The following RGS22 variants were observed in gnomAD, a reference collection of about 807,000 sequenced individuals.
The protein encoded by RGS22 is regulator of G-protein signaling 22.
A neutral mutation model predicts 172.9 loss-of-function variants in RGS22; 148 were observed. The ratio of observed to expected loss-of-function variants is 0.86; its 90% CI spans 0.75 to 0.98. The LOEUF is 0.98. Ranked by LOEUF, RGS22 falls within the 50% of genes least tolerant of loss-of-function variation. RGS22 has a pLI of 0.00. For missense variants in RGS22, 1,347 were observed against 1,440.8 expected, an observed-to-expected ratio of 0.93 and a Z score of 1.05; for synonymous variants, 458 against 480.2, an observed-to-expected ratio of 0.95 and a Z score of 0.60.
chr8:100,018,512 A>T (rs1001541047), intron 14 of RGS22, among the ~76,000 whole-genome samples: 2 of 152,238 alleles, frequency 1.3e-5, no homozygotes, highest in Admixed American at 1.3e-4. Flanking sequence ...TAGCGTTAAA[A>T]TGAAGAACAA....
At chr8:99,994,515 T>C (rs376668849) in intron 20 of RGS22, among the ~76,000 whole-genome samples, 9 of 152,278 alleles carry the variant, frequency 5.9e-5, no homozygotes, top group African/African-American at 9.6e-5. Flanking sequence ...CCATTCACAA[T>C]TGCTACACAG....
At chr8:100,044,793 A>G in intron 11 of RGS22, among the ~76,000 whole-genome samples, 1 of 152,082 alleles carries the variant, frequency 6.6e-6, no homozygotes, top group Non-Finnish European at 1.5e-5. Context: ...ACTGAAGTGT[A>G]ATGCTTCCTC....
intron 9 of RGS22, among the ~76,000 whole-genome samples, chr8:100,053,765 A>G (rs936850839): frequency 1.1e-4 from 16 of 151,886 alleles, no homozygotes; most frequent in African/African-American, 3.9e-4. Context: ...CCTCCCAAGT[A>G]GCTGGGACTA....
At chr8:100,042,768 C>T (rs1422755306) in intron 11 of RGS22, 2 of 152,216 alleles carry the variant, frequency 1.3e-5, no homozygotes, top group South Asian at 2.1e-4. Context: ...TCCATTTCCT[C>T]ATGTAGCCGA....
chr8:100,008,335 C>G, intron 15 of RGS22, 40 bp downstream of exon 15: 1 of 1,572,472 alleles, frequency 6.4e-7, no homozygotes, highest in Non-Finnish European at 8.6e-7. Flanking sequence ...TTGTAGTAAA[C>G]CTGAATGGTT....
chr8:100,088,579 C>T (rs945775496), intron 3 of RGS22, among the ~76,000 whole-genome samples: 3 of 152,018 alleles, frequency 2.0e-5, no homozygotes, highest in East Asian at 3.9e-4. Flanking sequence ...CAAGAACAAA[C>T]GGAATGAAGT....
chr8:100,074,438 C>T (rs1449885674), intron 4 of RGS22, among the ~76,000 whole-genome samples: 1 of 152,246 alleles, frequency 6.6e-6, no homozygotes, highest in African/African-American at 2.4e-5. Flanking sequence ...GCAACTCCCT[C>T]CAACCCTAGG....
chr8:99,975,060 C>T (rs1811787493), intron 23 of RGS22, among the ~76,000 whole-genome samples: 2 of 151,772 alleles, frequency 1.3e-5, no homozygotes, highest in African/African-American at 4.8e-5. Context: ...GCAGAAGAAT[C>T]GCTTGATCAT....
chr8:100,095,438 C>T (rs553211413), intron 2 of RGS22, among the ~76,000 whole-genome samples: 2 of 152,276 alleles, frequency 1.3e-5, no homozygotes, highest in East Asian at 3.9e-4. Flanking sequence ...CCCGCCTCGG[C>T]CTCCTAAAGT....
At chr8:100,058,035 A>G (rs1464692102) in intron 9 of RGS22, among the ~76,000 whole-genome samples, 2 of 152,220 alleles carry the variant, frequency 1.3e-5, no homozygotes, top group Non-Finnish European at 2.9e-5. Flanking sequence ...TGTTAAACAG[A>G]ATCAAGCAGC....
At chr8:100,061,316 A>G (rs893992874) in intron 9 of RGS22, among the ~76,000 whole-genome samples, 21 of 152,330 alleles carry the variant, frequency 1.4e-4, no homozygotes, top group African/African-American at 4.6e-4. Flanking sequence ...AATTGGATCT[A>G]TCTAAACTAA....
intron 14 of RGS22, among the ~76,000 whole-genome samples, chr8:100,023,652 C>T (rs1299506186): frequency 6.6e-6 from 1 of 152,084 alleles, no homozygotes; most frequent in Admixed American, 6.6e-5. Context: ...TCATGCTGAT[C>T]TTGAACTCCT....
intron 23 of RGS22, among the ~76,000 whole-genome samples, chr8:99,966,586 T>C (rs1810756920): frequency 6.6e-6 from 1 of 152,050 alleles, no homozygotes; most frequent in Non-Finnish European, 1.5e-5. Context: ...AACAGATGAG[T>C]AAAGAAGAGA....
intron 4 of RGS22, among the ~76,000 whole-genome samples, chr8:100,078,907 G>A (rs1811549575): frequency 6.6e-6 from 1 of 152,212 alleles, no homozygotes; most frequent in Admixed American, 6.5e-5. Context: ...GATTATAGGT[G>A]TGAGCCATTG....
intron 14 of RGS22, among the ~76,000 whole-genome samples, chr8:100,028,171 G>C (rs1238290716): frequency 1.3e-5 from 2 of 152,034 alleles, no homozygotes; most frequent in Non-Finnish European, 2.9e-5. Context: ...ATCCATGACA[G>C]TCCCATTGTC....
chr8:100,080,558 A>C, intron 3 of RGS22: 1 of 535,628 alleles, frequency 1.9e-6, no homozygotes, highest in Non-Finnish European at 3.3e-6. Context: ...CAATGCACTT[A>C]TGCCACGAGT....
intron 9 of RGS22, among the ~76,000 whole-genome samples, chr8:100,053,880 C>T (rs1220459233): frequency 1.3e-5 from 2 of 152,208 alleles, no homozygotes; most frequent in Admixed American, 6.5e-5. Context: ...GTGATCTGCC[C>T]TCCTCAGCCT....
chr8:100,077,663 C>T (rs1811452075), intron 4 of RGS22, among the ~76,000 whole-genome samples: 1 of 151,946 alleles, frequency 6.6e-6, no homozygotes, highest in South Asian at 2.1e-4. Context: ...GTAAATATTC[C>T]CAGTGCACTA....
chr8:100,064,250 T>C (rs1315400147), intron 7 of RGS22, among the ~76,000 whole-genome samples: 6 of 152,032 alleles, frequency 3.9e-5, no homozygotes, highest in Non-Finnish European at 7.4e-5. Context: ...GGTGGATCAC[T>C]TGAGGTCAGG....
Sources: allele counts gnomAD v4.1 joint callset (sites outside exome capture counted in the v4.1 genomes callset), GRCh38; gene constraint gnomAD v4.1.1; transcripts MANE v1.5; gene names NCBI Gene and HGNC (gene_info 2026-07-23, HGNC 2026-07-21).